MDK: variants seen among roughly 807,000 people sequenced by gnomAD.
MDK encodes midkine, also known as amphiregulin-associated protein.
Under a neutral mutation model 18.9 loss-of-function variants are expected in MDK, and 17 were observed. The observed-to-expected ratio is 0.90, with a 90% CI of 0.62 to 1.35. The LOEUF is 1.35. MDK is among the 40% of genes most tolerant of loss of function. The pLI, the probability that MDK is intolerant of heterozygous loss-of-function variation, is 0.00. For missense variants in MDK, 180 were observed against 186.3 expected (o/e 0.97, Z 0.20); for synonymous variants, 86 against 74.3 (o/e 1.16, Z -0.81).
At chr11:46,383,028 C>T (rs2136543580) in intron 4 of MDK, 1 of 521,804 alleles carries the variant, frequency 1.9e-6, no homozygotes, top group East Asian at 3.4e-5. Flanking sequence ...GGAGAGTGTC[C>T]TGGAACGGCT....
rs1028031177 is a variant in MDK at position 46,383,737 on chromosome 11, T to G, written c.*243T>G. ...AAGCAATGTGAGTCCCAGAGCCCGC[T>G]TTTGTTCTTCCCCACAATTCCATTA... is the stretch of plus-strand genomic sequence containing the variant. On this transcript the variant is annotated 3_prime_UTR_variant, in exon 5 of 5. Coordinates refer to ENST00000395566, the MANE Select transcript of MDK (RefSeq NM_002391.6). The G allele has an allele frequency of 7.8e-6, 5 of 640,290 alleles. No individual in the cohort carries two copies. The African/African-American group carries it at 9.0e-5, about 12-fold the overall frequency. The allele number at this position is 640,290 out of a possible 1,614,324, so 39.7% of individuals were successfully genotyped here.
chr11:46,381,577 G>A (rs1945166045), upstream of MDK: 1 of 143,064 alleles, frequency 7.0e-6, no homozygotes, highest in South Asian at 2.2e-4. Flanking sequence ...GGACGCCGGG[G>A]TCGGGGGCGG....
intron 4 of MDK, chr11:46,382,975 C>T: frequency 1.7e-6 from 1 of 594,144 alleles, no homozygotes; most frequent in Non-Finnish European, 3.0e-6. Context: ...CAAATAGGGA[C>T]CAACTCAAAC....
chr11:46,381,879 C>G, intron 1 of MDK, 121 bp downstream of exon 1: 2 of 639,812 alleles, frequency 3.1e-6, no homozygotes, highest in East Asian at 5.7e-5. Context: ...GGAGTCGCCT[C>G]TTAGCGGTGC....
Position 46,381,752 on chromosome 11 carries a change from C to A in MDK, c.-8C>A, listed in dbSNP as rs962398469. On this transcript the variant is annotated 5_prime_UTR_variant, in exon 1 of 5. Transcript: ENST00000395566. ...GGAGGGAGCGAAGCAGCGCGGGCAGCGAGCGAGTGAGCGCGCGGCGGCCCC... is the reference window on the plus strand; with the variant it reads ...GGAGGGAGCGAAGCAGCGCGGGCAGAGAGCGAGTGAGCGCGCGGCGGCCCC... 8.9e-6 allele frequency: 2 copies of A among 225,912 alleles called. No individual in the cohort carries two copies. Among genetic ancestry groups the A allele is most frequent in the Non-Finnish European group, 1.6e-5 (2 of 125,568 alleles). The allele number at this position is 225,912 out of a possible 1,614,324, so 14.0% of individuals were successfully genotyped here.
chr11:46,382,002 G>T (rs973742751), intron 1 of MDK, 55 bp from the exon 2 acceptor site: 4 of 1,517,878 alleles, frequency 2.6e-6, no homozygotes, highest in Non-Finnish European at 3.6e-6. Context: ...CCTGCACGCG[G>T]CCCCCGGTGG....
intron 4 of MDK, chr11:46,383,166 G>T (rs1945273770): frequency 2.4e-6 from 1 of 424,008 alleles, no homozygotes; most frequent in Non-Finnish European, 4.3e-6. Context: ...AGGCCAGCAG[G>T]GCAGGGGTGA....
intron 4 of MDK, 115 bp from the exon 5 acceptor site, chr11:46,383,354 A>T (rs777525519): frequency 3.9e-5 from 30 of 772,112 alleles, no homozygotes; most frequent in Non-Finnish European, 6.0e-5. Context: ...ATTGGAAACC[A>T]CTAGGGGGCA....
chr11:46,381,545 G>A (rs1249247086), upstream of MDK: 1 of 148,978 alleles, frequency 6.7e-6, no homozygotes, highest in Admixed American at 6.6e-5. Flanking sequence ...AGCGCGGGGG[G>A]CGCGGGCTGG....
At position 46,382,125 on chromosome 11, in the gene MDK, A is replaced by T. The variant is rs905461958; in HGVS notation, c.68A>T (p.Lys23Ile). The change falls in exon 2 of 5, where the codon AAA (lysine) becomes ATA (isoleucine). Residue 23 changes from lysine to isoleucine, a missense_variant. Lys to Ile is a moderately radical substitution (Grantham distance 102). Transcript: ENST00000395566. The part of the protein sequence containing the change: ...ALLALTSAVA[K>I]KKDKVKKGGP... Reference sequence around the variant, plus strand: ...CTGGCGCTCACCTCCGCGGTCGCCAAAAAGAAAGGTGATGGGGGATGATCG... The same window carrying T: ...CTGGCGCTCACCTCCGCGGTCGCCATAAAGAAAGGTGATGGGGGATGATCG... 5.0e-6 allele frequency: 8 copies of T among 1,611,148 alleles called. No homozygotes were observed. Among genetic ancestry groups the T allele is most frequent in the African/African-American group, 1.3e-5 (1 of 74,888 alleles).
At chr11:46,381,544 G>A (rs1481531770), upstream of MDK, 1 of 149,352 alleles carries the variant, frequency 6.7e-6, no homozygotes, top group Non-Finnish European at 1.5e-5. Flanking sequence ...AAGCGCGGGG[G>A]GCGCGGGCTG....
At position 46,382,412 on chromosome 11, in the gene MDK, C is replaced by A. The variant is rs995590952; in HGVS notation, c.195C>A (p.Thr65=). 1 of 1,542,234 alleles carries A rather than the reference C, an allele frequency of 6.5e-7. No homozygotes were observed. The highest frequency in any genetic ancestry group is 8.7e-7 in the Non-Finnish European group (1 of 1,145,836). ...GCGAGGGCACCTGCGGGGCCCAGAC[C>A]CAGCGCATCCGGTGCAGGGTGCCCT... ...GFREGTCGAQ[T]QRIRCRVPCN... Residue 65 remains threonine (T), a synonymous_variant, in exon 3 of 5, where the codon ACC becomes ACA. Transcript: ENST00000395566.
At chr11:46,381,818 G>C in intron 1 of MDK, 60 bp downstream of exon 1, 1 of 440,682 alleles carries the variant, frequency 2.3e-6, no homozygotes, top group Non-Finnish European at 4.0e-6. Flanking sequence ...CTGGGGGCTG[G>C]AGGCGGGGGT....
chr11:46,381,760 T>G lies in MDK; in HGVS notation c.-2+2T>G. The G allele has an allele frequency of 9.0e-6, 2 of 222,924 alleles. No individual in the cohort carries two copies. The highest frequency in any genetic ancestry group is 8.2e-5 in the East Asian group (1 of 12,156). The allele number at this position is 222,924 out of a possible 1,614,324, so 13.8% of individuals were successfully genotyped here. ...CGAAGCAGCGCGGGCAGCGAGCGAG[T>G]GAGCGCGCGGCGGCCCCTGGTCCGC... On this transcript the variant is annotated splice_donor_variant, in intron 1 of 4. Transcript: ENST00000395566. LOFTEE classifies it low-confidence loss of function (5UTR_SPLICE).
chr11:46,382,664 A>G lies in MDK; in HGVS notation c.322A>G (p.Lys108Glu). The G allele has an allele frequency of 6.2e-7, 1 of 1,613,188 alleles. No individual in the cohort carries two copies. Among genetic ancestry groups the G allele is most frequent in the Non-Finnish European group, 8.5e-7 (1 of 1,179,908 alleles). Residue 108 changes from lysine (K) to glutamate (E), a missense_variant, in exon 4 of 5, where the codon AAG becomes GAG. Lys to Glu is a moderately conservative substitution (Grantham distance 56). Transcript: ENST00000395566. ...TGTKVRQGTL[K>E]KARYNAQCQE... ...CACCAAAGTCCGCCAAGGCACCCTG[A>G]AGAAGGCGCGCTACAATGCTCAGTG...
intron 4 of MDK, chr11:46,383,127 T>C: frequency 4.8e-6 from 2 of 414,602 alleles, no homozygotes; most frequent in Non-Finnish European, 8.8e-6. Flanking sequence ...ACCCTGGGCC[T>C]CTCAGCTCAC....
In MDK at chr11:46,382,796, C is replaced by CT. The variant is rs752349599; in HGVS notation, c.406+48_406+49insT. ...GGGGCTGTCGCGGGGGGCTGCCCCC[C>CT]CCCCCCCCCGCCTGTGAGGGGACAA... On this transcript the variant is annotated intron_variant, in intron 4 of 4. Coordinates refer to ENST00000395566, the MANE Select transcript of MDK (RefSeq NM_002391.6). 2.0e-6 allele frequency: 3 copies of CT among 1,475,242 alleles called. No individual in the cohort carries two copies. The Admixed American group carries it at 6.1e-5, about 30-fold the overall frequency. The allele number at this position is 1,475,242 out of a possible 1,614,324, so 91.4% of individuals were successfully genotyped here. A position where few individuals can be genotyped will look rare whatever the true frequency, so the allele number is the denominator to read the frequency against.
intron 4 of MDK, 42 bp downstream of exon 4, chr11:46,382,790 GCCCCCC>G (rs74916763): frequency 2.7e-5 from 27 of 985,874 alleles, no homozygotes; most frequent in East Asian, 3.8e-5. Flanking sequence ...GCGGGGGGCT[GCCCCCC>G]CCCCCCCCCG....
chr11:46,382,790 G>GGGGGGGGGGGGGGGGGGCCCC, intron 4 of MDK, 42 bp downstream of exon 4: 1 of 985,982 alleles, frequency 1.0e-6, no homozygotes, highest in African/African-American at 3.0e-5. Flanking sequence ...GCGGGGGGCT[G>GGGGGGGGGGGGGGGGGGCCCC]CCCCCCCCCC....
Sources: gnomAD v4.1 joint callset for allele counts on GRCh38, gnomAD v4.1.1 for gene constraint, MANE v1.5 for transcripts, NCBI Gene and HGNC (gene_info 2026-07-23, HGNC 2026-07-21) for gene names.